Variants in ZFHX3 observed in about 807,000 individuals in gnomAD.
ZFHX3 encodes the protein zinc finger homeobox protein 3.
A neutral mutation model predicts 279.1 loss-of-function variants in ZFHX3; 42 were observed. The observed-to-expected ratio is 0.15, with a 90% CI of 0.12 to 0.19. ZFHX3 has a LOEUF of 0.19. ZFHX3 is among the 10% of genes least tolerant of loss of function. ZFHX3 has a pLI of 1.00. For missense variants in ZFHX3, 4,981 were observed against 4,754.0 expected, an observed-to-expected ratio of 1.05 and a Z score of -1.40; for synonymous variants, 2,293 against 1,957.8, an observed-to-expected ratio of 1.17 and a Z score of -4.52.
In ZFHX3 at chr16:73,174,266, AAACAACAACAACAAC is replaced by A. The variant is rs140975222; in HGVS notation, c.-1103-30450_-1103-30436del. Among the ~76,000 whole-genome samples the A allele has an allele frequency of 6.8e-3, 1,016 of 149,096 alleles. 13 individuals are homozygous for A. Among genetic ancestry groups the A allele is most frequent in the African/African-American group, 0.023 (943 of 40,312 alleles). Reference sequence around the variant, plus strand: ...AATGGGTGGTGTGTGTGTTCACACAAAACAACAACAACAACAACAACAACAACAACAACAACAACA... The same window carrying A: ...AATGGGTGGTGTGTGTGTTCACACAAAACAACAACAACAACAACAACAACA... On this transcript the variant is annotated intron_variant, in intron 5 of 17. Transcript: ENST00000641206.
In ZFHX3 at chr16:72,957,733, G is replaced by A. The variant is rs781454634; in HGVS notation, c.2413C>T (p.Arg805Trp). Reference protein sequence around the residue: ...PTKPKTKPTWRCEVCDYETNV... With the variant: ...PTKPKTKPTWWCEVCDYETNV... Reference sequence around the variant, plus strand: ...GTCTCATAATCACACACCTCGCACCGCCAGGTGGGTTTGGTTTTTGGTTTG... The same window carrying A: ...GTCTCATAATCACACACCTCGCACCACCAGGTGGGTTTGGTTTTTGGTTTG... The change falls in exon 2 of 10, where the codon CGG becomes TGG. Residue 805 changes from arginine to tryptophan, a missense_variant. Physicochemically the swap from Arg to Trp is moderately radical, Grantham distance 101. Transcript: ENST00000268489. 6.8e-6 allele frequency: 11 copies of A among 1,614,160 alleles called. No individual in the cohort carries two copies. The highest frequency in any genetic ancestry group is 9.3e-6 in the Non-Finnish European group (11 of 1,180,032).
Position 72,832,472 on chromosome 16 carries a change from A to G in ZFHX3, c.3449-2613T>C, listed in dbSNP as rs149943922. ...ATCAACGAAAGAGGTTATTTCAAGA[A>G]CTTATTTTGCTTATCTCTTTTTTTA... is the stretch of plus-strand genomic sequence containing the variant. On this transcript the variant is annotated intron_variant, in intron 4 of 9. Transcript: ENST00000268489. Among the ~76,000 whole-genome samples, 3 of 152,228 alleles carry G rather than the reference A, an allele frequency of 2.0e-5. No individual in the cohort carries two copies. In the East Asian group the frequency reaches 5.8e-4, roughly 29 times the overall value.
rs528752268 is a variant in ZFHX3, at chr16:73,160,936, G to T, written c.-1103-17105C>A. On this transcript the variant is annotated intron_variant, in intron 5 of 17. Transcript: ENST00000641206. ...GTGGTGCCCTCTCACAGACACTCTG[G>T]TCTGGCTATAACTTTCTTTGGCCAA... is the stretch of plus-strand genomic sequence containing the variant. 2.9e-3 allele frequency among the ~76,000 whole-genome samples: 447 copies of T among 151,904 alleles called. 1 individual carries two copies. Among genetic ancestry groups the T allele is most frequent in the Non-Finnish European group, 4.9e-3 (336 of 67,932 alleles).
intron 1 of ZFHX3, among the ~76,000 whole-genome samples, chr16:73,025,291 G>T (rs1402091557): frequency 1.3e-5 from 2 of 152,176 alleles, no homozygotes; most frequent in African/African-American, 2.4e-5. Flanking sequence ...GCCCATGCAG[G>T]ACTCACACAT....
At chr16:73,147,444 G>A (rs902599639) in intron 5 of ZFHX3, among the ~76,000 whole-genome samples, 2 of 152,022 alleles carry the variant, frequency 1.3e-5, no homozygotes, top group Admixed American at 6.6e-5. Flanking sequence ...TGTAATCCCA[G>A]CACTTTGGGA....
intron 4 of ZFHX3, among the ~76,000 whole-genome samples, chr16:72,844,474 G>A (rs1366312157): frequency 1.3e-5 from 2 of 151,924 alleles, no homozygotes; most frequent in South Asian, 2.1e-4. Flanking sequence ...TGCCTCCCTC[G>A]CCCAACCATC....
chr16:73,805,208 G>A (rs1004607865), intron 1 of ZFHX3, among the ~76,000 whole-genome samples: 1 of 151,672 alleles, frequency 6.6e-6, no homozygotes, highest in African/African-American at 2.4e-5. Context: ...CATTCTTGTT[G>A]CCCAGGCTGG....
At chr16:73,761,914 T>C (rs993649629) in intron 1 of ZFHX3, among the ~76,000 whole-genome samples, 3 of 152,156 alleles carry the variant, frequency 2.0e-5, no homozygotes, top group East Asian at 1.9e-4. Context: ...ATTCAGGACA[T>C]AGGCACGGGT....
intron 4 of ZFHX3, among the ~76,000 whole-genome samples, chr16:72,865,646 C>CT (rs1472389827): frequency 0.052 from 5 of 96 alleles, no homozygotes; most frequent in Non-Finnish European, 0.096. Flanking sequence ...GAGGGTACCT[C>CT]CACTACCTGT....
intron 5 of ZFHX3, among the ~76,000 whole-genome samples, chr16:73,251,813 GCACACACACCA>G (rs1420812917): frequency 4.8e-5 from 5 of 104,394 alleles, no homozygotes; most frequent in African/African-American, 1.6e-4. Context: ...CACACACCAT[GCACACACACCA>G]CACACACACC....
At chr16:73,383,586 C>A (rs1178662128) in intron 3 of ZFHX3, among the ~76,000 whole-genome samples, 1 of 151,660 alleles carries the variant, frequency 6.6e-6, no homozygotes, top group African/African-American at 2.4e-5. Context: ...CATCCAGCAA[C>A]AGAGCTCTTG....
At chr16:73,805,459 G>A (rs1034078700) in intron 1 of ZFHX3, among the ~76,000 whole-genome samples, 3 of 152,158 alleles carry the variant, frequency 2.0e-5, no homozygotes, top group East Asian at 1.9e-4. Context: ...GTGAGCTACC[G>A]TGGCTGGCCA....
chr16:73,451,089 G>A (rs1489130133), intron 3 of ZFHX3, among the ~76,000 whole-genome samples: 1 of 152,162 alleles, frequency 6.6e-6, no homozygotes, highest in Non-Finnish European at 1.5e-5. Context: ...GCTCTCATGA[G>A]GCCACAGGAT....
intron 3 of ZFHX3, among the ~76,000 whole-genome samples, chr16:72,915,762 TAA>T (rs35736633): frequency 1.2e-4 from 15 of 125,912 alleles, no homozygotes; most frequent in South Asian, 2.5e-4. Flanking sequence ...GACTCTGTCA[TAA>T]AAAAAAAAAA....
At chr16:72,875,324 G>A (rs568747598) in intron 4 of ZFHX3, among the ~76,000 whole-genome samples, 24 of 152,352 alleles carry the variant, frequency 1.6e-4, no homozygotes, top group African/African-American at 5.1e-4. Flanking sequence ...CTTTCCCAGC[G>A]GGGAGACCTG....
chr16:73,096,812 C>G (rs1303207466), intron 7 of ZFHX3, among the ~76,000 whole-genome samples: 1 of 151,892 alleles, frequency 6.6e-6, no homozygotes, highest in Admixed American at 6.6e-5. Context: ...AGAAGTATGC[C>G]CGGGAGTAAG....
intron 1 of ZFHX3, among the ~76,000 whole-genome samples, chr16:73,053,809 G>GCCCT (rs1965495178): frequency 6.6e-6 from 1 of 152,118 alleles, no homozygotes; most frequent in African/African-American, 2.4e-5. Flanking sequence ...GGATAAGAGG[G>GCCCT]CCCTGCAAAG....
chr16:73,758,814 C>T (rs1245231969), intron 1 of ZFHX3, among the ~76,000 whole-genome samples: 3 of 152,232 alleles, frequency 2.0e-5, no homozygotes, highest in Non-Finnish European at 4.4e-5. Flanking sequence ...ATCTCCCCCT[C>T]GCACTTTGAG....
chr16:73,091,378 G>A (rs1966079478), intron 8 of ZFHX3, among the ~76,000 whole-genome samples: 1 of 152,166 alleles, frequency 6.6e-6, no homozygotes, highest in Non-Finnish European at 1.5e-5. Flanking sequence ...GTGGCTGCAG[G>A]GCTGTGATTC....
Sources: allele counts gnomAD v4.1 joint callset (sites outside exome capture counted in the v4.1 genomes callset), GRCh38; gene constraint gnomAD v4.1.1; transcripts MANE v1.5; gene names NCBI Gene and HGNC (gene_info 2026-07-23, HGNC 2026-07-21).